The following PDE10A variants were observed in gnomAD, a reference collection of about 807,000 sequenced individuals.
PDE10A encodes phosphodiesterase 10A.
Under a neutral mutation model 97.7 loss-of-function variants are expected in PDE10A, and 39 were observed. That is an observed-to-expected ratio of 0.40 (90% confidence interval 0.31 to 0.52). The LOEUF (loss-of-function observed/expected upper bound fraction) is 0.52. Among genes scored for constraint, PDE10A ranks in the 20% least tolerant of loss-of-function variants. PDE10A has a pLI of 0.56. For missense variants in PDE10A, 731 were observed against 1,047.8 expected, an observed-to-expected ratio of 0.70 and a Z score of 4.17; for synonymous variants, 371 against 376.8, an observed-to-expected ratio of 0.98 and a Z score of 0.18.
chr6:165,597,722 G>A (rs183790725), intron 1 of PDE10A, among the ~76,000 whole-genome samples: 1 of 152,336 alleles, frequency 6.6e-6, no homozygotes, highest in Non-Finnish European at 1.5e-5. Flanking sequence ...CTTAACAGCT[G>A]TGCACAAGAT....
intron 1 of PDE10A, among the ~76,000 whole-genome samples, chr6:165,678,197 GTATA>G (rs371234347): frequency 3.6e-5 from 1 of 27,662 alleles, no homozygotes; most frequent in African/African-American, 1.2e-4. Flanking sequence ...GTCTGTGTAT[GTATA>G]TGTGTGTCTG....
intron 1 of PDE10A, among the ~76,000 whole-genome samples, chr6:165,708,770 C>A (rs71571418): frequency 2.1e-5 from 2 of 95,784 alleles, no homozygotes; most frequent in Non-Finnish European, 4.2e-5. Flanking sequence ...CCACGCTCAC[C>A]CCCCACTCTC....
rs531666348 is a variant in PDE10A, at chr6:165,433,838, A to G, written c.1336-709T>C. Among the ~76,000 whole-genome samples the G allele has an allele frequency of 1.2e-4, 18 of 152,030 alleles. No homozygotes were observed. The East Asian group carries it at 3.3e-3, about 28-fold the overall frequency. ...AGACCATCCTGGCTAACACAGTGAA[A>G]CACCATCTCTACTAAAAATACAAAA... On this transcript the variant is annotated intron_variant, in intron 6 of 21. Coordinates refer to ENST00000539869, the MANE Select transcript of PDE10A (RefSeq NM_001385079.1).
At chr6:165,785,267 C>T (rs1379364302) in intron 1 of PDE10A, among the ~76,000 whole-genome samples, 4 of 152,200 alleles carry the variant, frequency 2.6e-5, no homozygotes, top group African/African-American at 9.6e-5. Context: ...TTGACATGTC[C>T]TAGCTACTCA....
chr6:165,987,250 G>T (rs1358014083), intron 1 of PDE10A, among the ~76,000 whole-genome samples: 2 of 152,150 alleles, frequency 1.3e-5, no homozygotes, highest in African/African-American at 4.8e-5. Flanking sequence ...CGCTGGGGCG[G>T]GCTGCAGTCT....
At chr6:165,698,857 CA>C (rs949496983) in intron 1 of PDE10A, among the ~76,000 whole-genome samples, 8 of 150,766 alleles carry the variant, frequency 5.3e-5, no homozygotes, top group African/African-American at 1.7e-4. Flanking sequence ...TCCAACCAAA[CA>C]AAAAAACAAA....
At chr6:165,683,951 G>T (rs894701989) in intron 1 of PDE10A, among the ~76,000 whole-genome samples, 1 of 152,138 alleles carries the variant, frequency 6.6e-6, no homozygotes, top group Non-Finnish European at 1.5e-5. Flanking sequence ...AGATATACCA[G>T]GTACTGAGAC....
intron 18 of PDE10A, among the ~76,000 whole-genome samples, chr6:165,359,700 A>AT (rs1783259857): frequency 6.6e-6 from 1 of 151,976 alleles, no homozygotes; most frequent in South Asian, 2.1e-4. Context: ...TGTCTTCTTG[A>AT]TTGTGGGTCC....
chr6:165,971,143 A>G (rs1784659267), intron 1 of PDE10A, among the ~76,000 whole-genome samples: 2 of 152,082 alleles, frequency 1.3e-5, no homozygotes, highest in South Asian at 4.1e-4. Context: ...GGGAGACAAA[A>G]AAAAAAAGGA....
intron 1 of PDE10A, among the ~76,000 whole-genome samples, chr6:165,694,382 C>T (rs1005815522): frequency 6.6e-6 from 1 of 152,230 alleles, no homozygotes. Context: ...GGGCTGCGGG[C>T]ACAGCCAGCA....
intron 3 of PDE10A, among the ~76,000 whole-genome samples, chr6:165,474,223 T>C (rs1779171298): frequency 6.6e-6 from 1 of 152,194 alleles, no homozygotes; most frequent in African/African-American, 2.4e-5. Context: ...TAAGCAGTAT[T>C]GTAAGAACAG....
chr6:165,810,169 G>C (rs1421311755), intron 1 of PDE10A, among the ~76,000 whole-genome samples: 5 of 152,144 alleles, frequency 3.3e-5, no homozygotes, highest in Non-Finnish European at 7.3e-5. Flanking sequence ...CCCGTGAGCT[G>C]TGTGTTTCAA....
chr6:165,553,873 A>G (rs1322973879), intron 1 of PDE10A, among the ~76,000 whole-genome samples: 1 of 152,214 alleles, frequency 6.6e-6, no homozygotes, highest in African/African-American at 2.4e-5. Flanking sequence ...TATTAAGAGT[A>G]AGCTTAAACC....
At chr6:165,471,512 T>C (rs1319034098) in intron 3 of PDE10A, among the ~76,000 whole-genome samples, 1 of 152,108 alleles carries the variant, frequency 6.6e-6, no homozygotes, top group African/African-American at 2.4e-5. Flanking sequence ...ATTAGGCATC[T>C]CCAACTTAGC....
intron 1 of PDE10A, among the ~76,000 whole-genome samples, chr6:165,579,344 T>C (rs2128353115): frequency 6.6e-6 from 1 of 152,302 alleles, no homozygotes; most frequent in Non-Finnish European, 1.5e-5. Flanking sequence ...GCAGTGCAGT[T>C]GAGAAACAGT....
chr6:165,467,264 C>A (rs1277842061), intron 3 of PDE10A, among the ~76,000 whole-genome samples: 1 of 152,110 alleles, frequency 6.6e-6, no homozygotes, highest in Non-Finnish European at 1.5e-5. Context: ...GCAAGTTATC[C>A]AAAATATCTA....
chr6:165,443,637 A>G (rs1583295472), intron 5 of PDE10A, among the ~76,000 whole-genome samples: 1 of 152,288 alleles, frequency 6.6e-6, no homozygotes, highest in East Asian at 1.9e-4. Flanking sequence ...TCTCCTCTGC[A>G]CTGCACTAGC....
chr6:165,640,125 G>T (rs1363799396), intron 1 of PDE10A, among the ~76,000 whole-genome samples: 1 of 151,656 alleles, frequency 6.6e-6, no homozygotes, highest in Non-Finnish European at 1.5e-5. Flanking sequence ...TCTTTAAGTT[G>T]CATGCATGTA....
chr6:165,438,766 T>C (rs1288337266), intron 5 of PDE10A, among the ~76,000 whole-genome samples: 1 of 152,026 alleles, frequency 6.6e-6, no homozygotes, highest in Non-Finnish European at 1.5e-5. Flanking sequence ...AAGATCAGCC[T>C]GGGCAACATA....
Sources: allele counts gnomAD v4.1 joint callset (sites outside exome capture counted in the v4.1 genomes callset), GRCh38; gene constraint gnomAD v4.1.1; transcripts MANE v1.5; gene names NCBI Gene and HGNC (gene_info 2026-07-23, HGNC 2026-07-21).